The following RAPGEF6 variants were observed in gnomAD, a reference collection of about 807,000 sequenced individuals.
The protein encoded by RAPGEF6 is Rap guanine nucleotide exchange factor 6.
A neutral mutation model predicts 171.4 loss-of-function variants in RAPGEF6; 56 were observed. The ratio of observed to expected loss-of-function variants is 0.33; its 90% CI spans 0.26 to 0.41. The LOEUF (loss-of-function observed/expected upper bound fraction) is 0.41, where lower values mean the gene tolerates loss of function less well. RAPGEF6 is among the 10% of genes least tolerant of loss of function. The pLI is 1.00. For synonymous variants in RAPGEF6, 692 were observed against 650.1 expected (o/e 1.06, Z -0.98); for missense variants, 1,674 against 1,921.4 (o/e 0.87, Z 2.41).
At chr5:131,496,411 G>A (rs1260490551) in intron 12 of RAPGEF6, among the ~76,000 whole-genome samples, 3 of 152,066 alleles carry the variant, frequency 2.0e-5, no homozygotes, top group Non-Finnish European at 4.4e-5. Context: ...TCATAATTTA[G>A]TACCTTAACA....
At chr5:131,487,891 T>A (rs545717173) in intron 15 of RAPGEF6, among the ~76,000 whole-genome samples, 8 of 152,348 alleles carry the variant, frequency 5.3e-5, no homozygotes, top group African/African-American at 1.9e-4. Context: ...TAGAGTAAAA[T>A]GCTCCATTTC....
intron 7 of RAPGEF6, among the ~76,000 whole-genome samples, chr5:131,516,866 CATGCTAT>C (rs1190540062): frequency 2.6e-5 from 4 of 152,124 alleles, no homozygotes; most frequent in African/African-American, 9.7e-5. Context: ...CACTATAGTA[CATGCTAT>C]ATTTTGAAGT....
intron 6 of RAPGEF6, among the ~76,000 whole-genome samples, chr5:131,535,262 T>C (rs1759688402): frequency 6.6e-6 from 1 of 152,108 alleles, no homozygotes; most frequent in East Asian, 1.9e-4. Context: ...ACAGGCCAAA[T>C]TCCATACTCA....
chr5:131,430,370 T>C (rs954313241), intron 26 of RAPGEF6, among the ~76,000 whole-genome samples: 2 of 152,162 alleles, frequency 1.3e-5, no homozygotes, highest in African/African-American at 4.8e-5. Context: ...AAACAGGAGT[T>C]GGCACACTCA....
chr5:131,463,690 C>T, intron 18 of RAPGEF6: 1 of 911,978 alleles, frequency 1.1e-6, no homozygotes, highest in East Asian at 1.1e-4. Context: ...CCTGCATATT[C>T]ATTAAAGGAA....
chr5:131,427,421 T>A, intron 27 of RAPGEF6, 130 bp from the exon 28 acceptor site: 1 of 717,726 alleles, frequency 1.4e-6, no homozygotes, highest in South Asian at 1.8e-5. Context: ...GGCCCAGATT[T>A]TATTATAATA....
intron 19 of RAPGEF6, among the ~76,000 whole-genome samples, chr5:131,457,743 G>C (rs1335939137): frequency 6.6e-6 from 1 of 152,176 alleles, no homozygotes; most frequent in East Asian, 1.9e-4. Flanking sequence ...AGTATGTGAG[G>C]ATTTTGCTAT....
chr5:131,502,865 C>T (rs1260855338), intron 11 of RAPGEF6, among the ~76,000 whole-genome samples: 1 of 151,718 alleles, frequency 6.6e-6, no homozygotes, highest in Non-Finnish European at 1.5e-5. Flanking sequence ...ATGGTGTGAT[C>T]TCGGCTCACT....
intron 18 of RAPGEF6, chr5:131,463,706 C>T (rs1754115226): frequency 1.0e-6 from 1 of 960,586 alleles, no homozygotes; most frequent in Non-Finnish European, 1.2e-6. Flanking sequence ...AGGAAAACTA[C>T]TTAGAAAAAG....
intron 17 of RAPGEF6, among the ~76,000 whole-genome samples, chr5:131,468,741 C>T (rs533926613): frequency 6.2e-4 from 94 of 152,172 alleles, no homozygotes; most frequent in South Asian, 2.7e-3. Flanking sequence ...TACTTACATT[C>T]AAGTGAGTAA....
intron 4 of RAPGEF6, among the ~76,000 whole-genome samples, chr5:131,580,241 G>A (rs1174324081): frequency 1.3e-5 from 2 of 152,212 alleles, no homozygotes; most frequent in Admixed American, 1.3e-4. Context: ...GCAGTGCTGG[G>A]GGAACCAGCG....
At chr5:131,603,483 T>C (rs1053875693) in intron 2 of RAPGEF6, among the ~76,000 whole-genome samples, 156 bp from the exon 3 acceptor site, 9 of 152,078 alleles carry the variant, frequency 5.9e-5, no homozygotes, top group African/African-American at 9.7e-5. Flanking sequence ...TAGAAATATA[T>C]GTGTATTTTA....
At chr5:131,575,888 T>G (rs974970686) in intron 4 of RAPGEF6, among the ~76,000 whole-genome samples, 1 of 152,162 alleles carries the variant, frequency 6.6e-6, no homozygotes, top group Non-Finnish European at 1.5e-5. Context: ...CTACGTGCAG[T>G]GGCAGCCACC....
intron 3 of RAPGEF6, among the ~76,000 whole-genome samples, chr5:131,599,446 A>C (rs1764097550): frequency 6.6e-6 from 1 of 152,212 alleles, no homozygotes; most frequent in African/African-American, 2.4e-5. Flanking sequence ...TGAGCAAAAT[A>C]AACAATAAAC....
intron 12 of RAPGEF6, among the ~76,000 whole-genome samples, chr5:131,497,826 T>C (rs1188553684): frequency 6.6e-6 from 1 of 152,214 alleles, no homozygotes; most frequent in Non-Finnish European, 1.5e-5. Flanking sequence ...ACTTATTTCT[T>C]ACCAATTTGT....
chr5:131,536,154 T>C (rs1759755378), intron 6 of RAPGEF6, among the ~76,000 whole-genome samples: 2 of 152,162 alleles, frequency 1.3e-5, no homozygotes. Flanking sequence ...TTTAGTTATA[T>C]TTGGTTTTTG....
intron 27 of RAPGEF6, among the ~76,000 whole-genome samples, 163 bp downstream of exon 27, chr5:131,428,739 G>C (rs1561455865): frequency 1.3e-5 from 2 of 152,058 alleles, no homozygotes; most frequent in East Asian, 3.9e-4. Context: ...TGGGATTACA[G>C]GTGTGAGCCA....
At chr5:131,539,871 C>T (rs1285272901) in intron 6 of RAPGEF6, among the ~76,000 whole-genome samples, 1 of 152,070 alleles carries the variant, frequency 6.6e-6, no homozygotes, top group Non-Finnish European at 1.5e-5. Flanking sequence ...AATGTGTGAG[C>T]CTAAAATGAA....
chr5:131,569,071 GAAAT>G (rs1480892703), intron 4 of RAPGEF6, among the ~76,000 whole-genome samples: 3 of 152,022 alleles, frequency 2.0e-5, no homozygotes, highest in African/African-American at 4.8e-5. Flanking sequence ...ATTGCTGAAA[GAAAT>G]AAAAGATAAA....
Sources: allele counts gnomAD v4.1 joint callset (sites outside exome capture counted in the v4.1 genomes callset), GRCh38; gene constraint gnomAD v4.1.1; transcripts MANE v1.5; gene names NCBI Gene and HGNC (gene_info 2026-07-23, HGNC 2026-07-21).